The following ERBB4 variants were observed in gnomAD, a reference collection of about 807,000 sequenced individuals.
The protein encoded by ERBB4 is receptor tyrosine-protein kinase erbB-4.
Under a neutral mutation model 158.0 loss-of-function variants are expected in ERBB4, and 42 were observed. The ratio of observed to expected loss-of-function variants is 0.27; its 90% confidence interval spans 0.21 to 0.34. The LOEUF is 0.34. Among genes scored for constraint, ERBB4 ranks in the 10% least tolerant of loss-of-function variants. The pLI is 1.00. For missense variants in ERBB4, 1,333 were observed against 1,624.1 expected, an observed-to-expected ratio of 0.82 and a Z score of 3.08; for synonymous variants, 583 against 558.7, an observed-to-expected ratio of 1.04 and a Z score of -0.61.
At chr2:212,391,690 T>TTA (rs201243673) in intron 1 of ERBB4, among the ~76,000 whole-genome samples, 3,219 of 129,050 alleles carry the variant, frequency 0.025, 132 homozygotes, top group African/African-American at 0.087. Flanking sequence ...ATTATATATA[T>TTA]TATATTATAT....
rs34614862 is a variant in ERBB4 at position 211,934,926 on chromosome 2, T to TAAAAAAAAAAA, written c.421+12493_421+12503dup. 2.2e-3 allele frequency among the ~76,000 whole-genome samples: 193 copies of TAAAAAAAAAAA among 86,604 alleles called. 14 individuals carry two copies. The highest frequency in any genetic ancestry group is 6.4e-3 in the African/African-American group (162 of 25,236). The allele number at this position is 86,604 out of a possible 152,430, so 56.8% of individuals were successfully genotyped here. A position where few individuals can be genotyped will look rare whatever the true frequency, so the allele number is the denominator to read the frequency against. ...TACACTAAGCAAAGTCTCATTCAGC[T>TAAAAAAAAAAA]AAAAAAAAAAAAAAACTGCCTTGAA... On this transcript the variant is annotated intron_variant, in intron 3 of 27. Coordinates refer to ENST00000342788, the MANE Select transcript of ERBB4 (RefSeq NM_005235.3).
At chr2:212,310,201 A>G (rs954831412) in intron 1 of ERBB4, among the ~76,000 whole-genome samples, 5 of 150,794 alleles carry the variant, frequency 3.3e-5, no homozygotes, top group African/African-American at 1.2e-4. Context: ...TTATAACTAT[A>G]ATTATTAAAA....
At chr2:211,546,695 T>C (rs1287238123) in intron 20 of ERBB4, among the ~76,000 whole-genome samples, 1 of 152,074 alleles carries the variant, frequency 6.6e-6, no homozygotes, top group Non-Finnish European at 1.5e-5. Flanking sequence ...GCTACATAAC[T>C]ACACAGACCC....
chr2:212,025,637 T>G (rs2076755905), intron 2 of ERBB4, among the ~76,000 whole-genome samples: 1 of 151,782 alleles, frequency 6.6e-6, no homozygotes, highest in African/African-American at 2.4e-5. Flanking sequence ...AATTATATCA[T>G]AAGACTTAAT....
intron 2 of ERBB4, among the ~76,000 whole-genome samples, chr2:212,094,395 A>T (rs985066704): frequency 1.3e-5 from 2 of 150,866 alleles, no homozygotes; most frequent in African/African-American, 4.8e-5. Context: ...TGAAATTAAT[A>T]GCTATGTTTT....
intron 20 of ERBB4, among the ~76,000 whole-genome samples, chr2:211,513,941 C>G (rs1027933458): frequency 6.6e-6 from 1 of 151,938 alleles, no homozygotes; most frequent in African/African-American, 2.4e-5. Flanking sequence ...TCAGGGATAT[C>G]CATCGTTTCA....
intron 20 of ERBB4, among the ~76,000 whole-genome samples, chr2:211,436,193 A>C (rs142087810): frequency 6.6e-6 from 1 of 152,350 alleles, no homozygotes; most frequent in African/African-American, 2.4e-5. Flanking sequence ...TGTTTCTGTG[A>C]ATTTCAGGAC....
chr2:211,943,064 G>T (rs1273688966), intron 3 of ERBB4, among the ~76,000 whole-genome samples: 2 of 151,976 alleles, frequency 1.3e-5, no homozygotes, highest in South Asian at 2.1e-4. Flanking sequence ...TCCCATTTGG[G>T]ATATAAATAG....
At chr2:211,391,692 C>T (rs1233092179) in intron 25 of ERBB4, among the ~76,000 whole-genome samples, 1 of 152,042 alleles carries the variant, frequency 6.6e-6, no homozygotes, top group Non-Finnish European at 1.5e-5. Flanking sequence ...CTTTTAAATA[C>T]ATCATGTTCT....
intron 9 of ERBB4, among the ~76,000 whole-genome samples, chr2:211,711,295 T>C (rs1459419378): frequency 1.3e-5 from 2 of 152,176 alleles, no homozygotes; most frequent in African/African-American, 4.8e-5. Context: ...CAGAGTAAGA[T>C]TTTGAATTAA....
intron 1 of ERBB4, among the ~76,000 whole-genome samples, chr2:212,365,938 A>C (rs535243977): frequency 6.6e-6 from 1 of 151,994 alleles, no homozygotes; most frequent in African/African-American, 2.4e-5. Flanking sequence ...CTAAAACAAC[A>C]ATGACAATTA....
intron 4 of ERBB4, among the ~76,000 whole-genome samples, chr2:211,773,938 G>A (rs1010383464): frequency 1.3e-5 from 2 of 151,772 alleles, no homozygotes; most frequent in Non-Finnish European, 2.9e-5. Flanking sequence ...TGTCGATATG[G>A]ACTCTAGAAC....
intron 1 of ERBB4, among the ~76,000 whole-genome samples, chr2:212,369,817 C>A (rs867881572): frequency 1.3e-5 from 2 of 152,042 alleles, no homozygotes; most frequent in Admixed American, 1.3e-4. Context: ...CTCAGCCTCA[C>A]AATAGCTAGG....
chr2:211,404,475 A>T (rs2063108722), intron 25 of ERBB4, among the ~76,000 whole-genome samples: 1 of 152,106 alleles, frequency 6.6e-6, no homozygotes, highest in Non-Finnish European at 1.5e-5. Flanking sequence ...AAATGTCTAT[A>T]GGTTGGAAGT....
intron 4 of ERBB4, among the ~76,000 whole-genome samples, chr2:211,761,882 C>T (rs1274514255): frequency 6.6e-6 from 1 of 152,034 alleles, no homozygotes; most frequent in African/African-American, 2.4e-5. Context: ...TGTGGAAAAC[C>T]CCAGCTATTA....
At chr2:212,102,193 A>G (rs555181063) in intron 2 of ERBB4, among the ~76,000 whole-genome samples, 2 of 147,802 alleles carry the variant, frequency 1.4e-5, no homozygotes, top group South Asian at 2.2e-4. Flanking sequence ...GGTCATTTTC[A>G]TAATTTTATT....
At chr2:212,437,094 G>A (rs1003746169) in intron 1 of ERBB4, among the ~76,000 whole-genome samples, 1 of 151,978 alleles carries the variant, frequency 6.6e-6, no homozygotes, top group Non-Finnish European at 1.5e-5. Context: ...CTACAATAAG[G>A]ACATTCACAA....
At chr2:211,762,296 G>A (rs933924856) in intron 4 of ERBB4, among the ~76,000 whole-genome samples, 2 of 152,132 alleles carry the variant, frequency 1.3e-5, no homozygotes, top group Non-Finnish European at 2.9e-5. Flanking sequence ...AGAGGCTTTC[G>A]CAGGCATAGC....
chr2:212,526,821 C>T (rs568071696), intron 1 of ERBB4, among the ~76,000 whole-genome samples: 1 of 151,984 alleles, frequency 6.6e-6, no homozygotes, highest in Admixed American at 6.6e-5. Flanking sequence ...AATTGTCTCC[C>T]CACCTATATT....
Sources: gnomAD v4.1 joint callset for allele counts (sites outside exome capture counted in the v4.1 genomes callset) on GRCh38, gnomAD v4.1.1 for gene constraint, MANE v1.5 for transcripts, NCBI Gene and HGNC (gene_info 2026-07-23, HGNC 2026-07-21) for gene names.